Variants in PDE1C observed in about 807,000 individuals in gnomAD.
The protein encoded by PDE1C is phosphodiesterase 1C, also known as dual specificity calcium/calmodulin-dependent 3',5'-cyclic nucleotide phosphodiesterase 1C.
In PDE1C, 62 loss-of-function variants were observed where a neutral mutation model predicts 93.1. The ratio of observed to expected loss-of-function variants is 0.67; its 90% CI spans 0.54 to 0.82. The LOEUF (loss-of-function observed/expected upper bound fraction) is 0.82. Among genes scored for constraint, PDE1C ranks in the 40% least tolerant of loss-of-function variants. The probability of loss-of-function intolerance (pLI) is 0.00; values close to 1 mark genes in which losing one functional copy is unlikely to be tolerated. For missense variants in PDE1C, 742 were observed against 884.6 expected, an observed-to-expected ratio of 0.84 and a Z score of 2.04; for synonymous variants, 325 against 310.1, an observed-to-expected ratio of 1.05 and a Z score of -0.50.
the PDE1C span, among the ~76,000 whole-genome samples, chr7:31,647,931 T>G: frequency 0.012 from 1,852 of 152,246 alleles, 45 homozygotes; most frequent in African/African-American, 0.042. Flanking sequence ...TAATTAAATT[T>G]TCACATATAA....
chr7:31,913,293 A>G (rs1396571739), intron 2 of PDE1C, among the ~76,000 whole-genome samples: 2 of 152,238 alleles, frequency 1.3e-5, no homozygotes, highest in Non-Finnish European at 2.9e-5. Flanking sequence ...ATTTTCAATG[A>G]AAATGTTGGA....
chr7:31,934,979 T>C (rs1338256692), intron 2 of PDE1C, among the ~76,000 whole-genome samples: 2 of 152,236 alleles, frequency 1.3e-5, no homozygotes, highest in Non-Finnish European at 2.9e-5. Flanking sequence ...ACTACAGTGA[T>C]AGTGCTACAT....
intron 1 of PDE1C, among the ~76,000 whole-genome samples, chr7:32,294,675 T>G (rs1322820374): frequency 6.6e-6 from 1 of 152,242 alleles, no homozygotes; most frequent in Non-Finnish European, 1.5e-5. Context: ...AATCTGTGAA[T>G]GACTTAATAC....
At chr7:31,986,478 C>T (rs1783409826) in intron 2 of PDE1C, among the ~76,000 whole-genome samples, 1 of 152,056 alleles carries the variant, frequency 6.6e-6, no homozygotes, top group South Asian at 2.1e-4. Context: ...ATTTTTTTAA[C>T]CCAGTACAGT....
Position 32,380,070 on chromosome 7 carries a change from A to G in PDE1C, c.310+47752T>C, listed in dbSNP as rs553644318. Among the ~76,000 whole-genome samples the G allele has an allele frequency of 2.6e-5, 4 of 152,126 alleles. No homozygotes were observed. In the South Asian group the frequency reaches 6.2e-4, roughly 24 times the overall value. On this transcript the variant is annotated intron_variant, in intron 1 of 1. Transcript: ENST00000672256. ...TCTATTGGATCATTCCCATCAGCAC[A>G]CACATTTTTTGTTTCTTCCATCAGA...
chr7:31,700,673 CA>C, the PDE1C span, among the ~76,000 whole-genome samples: 1 of 152,096 alleles, frequency 6.6e-6, no homozygotes, highest in Non-Finnish European at 1.5e-5. Flanking sequence ...TGCCTGGCTT[CA>C]AAACTTCAAA....
intron 7 of PDE1C, among the ~76,000 whole-genome samples, chr7:31,854,337 T>C (rs1246113988): frequency 1.3e-5 from 2 of 152,162 alleles, no homozygotes; most frequent in Non-Finnish European, 2.9e-5. Context: ...AATTAACTAC[T>C]GTGAACCCAG....
chr7:32,348,511 C>G (rs1194132018), intron 1 of PDE1C, among the ~76,000 whole-genome samples: 1 of 151,844 alleles, frequency 6.6e-6, no homozygotes, highest in Admixed American at 6.6e-5. Context: ...ACTACAGGCA[C>G]CTGCCACCAT....
At chr7:32,114,701 T>C (rs1205498018) in intron 3 of PDE1C, among the ~76,000 whole-genome samples, 1 of 152,168 alleles carries the variant, frequency 6.6e-6, no homozygotes, top group Non-Finnish European at 1.5e-5. Context: ...GCGAAAATTT[T>C]TGCAATCTAC....
At chr7:31,773,527 T>A (rs1378172301) in intron 17 of PDE1C, among the ~76,000 whole-genome samples, 2 of 152,016 alleles carry the variant, frequency 1.3e-5, no homozygotes, top group Admixed American at 1.3e-4. Flanking sequence ...GATTTCTTCC[T>A]GATACTCTGT....
intron 1 of PDE1C, among the ~76,000 whole-genome samples, chr7:32,222,981 C>G (rs1806987567): frequency 6.6e-6 from 1 of 152,190 alleles, no homozygotes. Context: ...GCGGGCTTCA[C>G]TTTTAAAATA....
chr7:32,380,033 G>GT (rs1784504070), intron 1 of PDE1C, among the ~76,000 whole-genome samples: 2 of 152,026 alleles, frequency 1.3e-5, no homozygotes, highest in Admixed American at 1.3e-4. Context: ...TGTATTATCA[G>GT]TTTTCCCCCT....
chr7:32,137,355 G>A (rs1011186768), intron 3 of PDE1C, among the ~76,000 whole-genome samples: 1 of 152,216 alleles, frequency 6.6e-6, no homozygotes, highest in African/African-American at 2.4e-5. Context: ...CTGTGCGACT[G>A]CAGCACCTTT....
exon 1 of PDE1C, chr7:32,427,963 G>A (rs1785571767): frequency 6.6e-6 from 1 of 152,350 alleles, no homozygotes. Context: ...GCTACGGGAG[G>A]GGAGAGTGTC....
the PDE1C span, among the ~76,000 whole-genome samples, chr7:31,680,587 A>G: frequency 1.3e-5 from 2 of 152,228 alleles, no homozygotes; most frequent in Non-Finnish European, 2.9e-5. Context: ...TAGCCAGAAT[A>G]TAGTTAGGAG....
chr7:31,839,871 T>C (rs1791621795), intron 9 of PDE1C, among the ~76,000 whole-genome samples: 1 of 152,158 alleles, frequency 6.6e-6, no homozygotes, highest in Admixed American at 6.5e-5. Context: ...ACCCCGTCTC[T>C]ACTAAAAATA....
At chr7:32,185,057 G>A (rs1240065471) in intron 2 of PDE1C, among the ~76,000 whole-genome samples, 2 of 151,774 alleles carry the variant, frequency 1.3e-5, no homozygotes, top group East Asian at 3.9e-4. Flanking sequence ...GTTGTGGTGA[G>A]TCGAGATCGC....
intron 2 of PDE1C, among the ~76,000 whole-genome samples, chr7:31,967,675 A>T (rs1466528559): frequency 6.6e-6 from 1 of 152,238 alleles, no homozygotes; most frequent in African/African-American, 2.4e-5. Context: ...ATTTTAGACC[A>T]ATATCCTTGA....
chr7:32,297,539 C>G (rs1485331204), intron 1 of PDE1C, among the ~76,000 whole-genome samples: 1 of 152,060 alleles, frequency 6.6e-6, no homozygotes, highest in East Asian at 1.9e-4. Context: ...TGGAGGCAAT[C>G]CCTCACAAGT....
Sources: gnomAD v4.1 joint callset for allele counts (sites outside exome capture counted in the v4.1 genomes callset) on GRCh38, gnomAD v4.1.1 for gene constraint, MANE v1.5 for transcripts, NCBI Gene and HGNC (gene_info 2026-07-23, HGNC 2026-07-21) for gene names.